VPS13A: variants seen among roughly 807,000 people sequenced by gnomAD.
VPS13A encodes the protein vacuolar protein sorting 13 homolog A, also known as intermembrane lipid transfer protein VPS13A.
VPS13A carries 264 observed loss-of-function variants against 390.9 expected under a neutral mutation model. That is an observed-to-expected ratio of 0.68 (90% CI 0.61 to 0.75). The LOEUF is 0.75. VPS13A is among the 30% of genes least tolerant of loss of function. VPS13A has a pLI of 0.00. For synonymous variants in VPS13A, 1,231 were observed against 1,227.1 expected (o/e 1.00, Z -0.07); for missense variants, 3,409 against 3,733.9 (o/e 0.91, Z 2.27).
intron 35 of VPS13A, among the ~76,000 whole-genome samples, 172 bp from the exon 36 acceptor site, chr9:77,313,820 G>A (rs1035577039): frequency 2.6e-5 from 4 of 152,248 alleles, no homozygotes; most frequent in South Asian, 2.1e-4. Flanking sequence ...TATGGAAAGA[G>A]TCCTAAGCCA....
At chr9:77,211,129 A>G (rs568226370) in intron 7 of VPS13A, 4 of 160,854 alleles carry the variant, frequency 2.5e-5, no homozygotes, top group Non-Finnish European at 5.4e-5. Context: ...TTTGAAACAT[A>G]TGCTTGCCTC....
chr9:77,332,142 C>G (rs772195656), intron 46 of VPS13A, 29 bp downstream of exon 46: 40 of 1,535,762 alleles, frequency 2.6e-5, no homozygotes, highest in Non-Finnish European at 3.6e-5. Flanking sequence ...TTTATTTACT[C>G]TAAAATCTCT....
At chr9:77,301,082 AGT>A (rs1828321616) in intron 33 of VPS13A, among the ~76,000 whole-genome samples, 1 of 152,234 alleles carries the variant, frequency 6.6e-6, no homozygotes, top group African/African-American at 2.4e-5. Context: ...TATATTGGGT[AGT>A]ACTGATAAGA....
rs143022525 is a variant in VPS13A, at chr9:77,315,379, T to C, written c.4539T>C (p.Phe1513=). 8.7e-6 allele frequency: 14 copies of C among 1,614,000 alleles called. No individual in the cohort carries two copies. The highest frequency in any genetic ancestry group is 3.3e-4 in the Middle Eastern group (2 of 6,060). ...TGTATATTTGTGCAAGCGTAGAATT[T>C]CTGCAGACTGTTGCAAATGTCTTTC... is the stretch of plus-strand genomic sequence containing the variant. The part of the protein sequence containing the change: ...QEMYICASVE[F]LQTVANVFLE... Residue 1513 remains phenylalanine (F), a synonymous_variant, in exon 38 of 72, where the codon TTT becomes TTC. Transcript: ENST00000360280.
chr9:77,250,376 T>C, intron 21 of VPS13A, 147 bp downstream of exon 21: 1 of 1,030,962 alleles, frequency 9.7e-7, no homozygotes, highest in Non-Finnish European at 1.4e-6. Flanking sequence ...TAGCTGTTCT[T>C]ACCAGGAGCA....
chr9:77,299,428 A>T (rs766835452), intron 33 of VPS13A, among the ~76,000 whole-genome samples: 13 of 152,178 alleles, frequency 8.5e-5, no homozygotes, highest in Non-Finnish European at 1.9e-4. Context: ...GAAACAACAG[A>T]TGCTGGAGAG....
At chr9:77,200,101 T>C (rs909190503) in intron 2 of VPS13A, 113 bp downstream of exon 2, 2 of 1,048,746 alleles carry the variant, frequency 1.9e-6, no homozygotes, top group East Asian at 5.3e-5. Context: ...TTTTTGTAAA[T>C]AATTTTTGCA....
At chr9:77,210,538 A>G in intron 6 of VPS13A, 78 bp from the exon 7 acceptor site, 3 of 1,429,084 alleles carry the variant, frequency 2.1e-6, no homozygotes, top group Non-Finnish European at 2.9e-6. Context: ...GCCGCTGCAC[A>G]TTGACAGTTT....
intron 70 of VPS13A, 112 bp from the exon 71 acceptor site, chr9:77,407,405 TTTTTTAAGGTGCATGA>T: frequency 1.4e-6 from 1 of 696,092 alleles, no homozygotes; most frequent in Non-Finnish European, 2.5e-6. Context: ...CATTCTTGTC[TTTTTTAAGGTGCATGA>T]TTTGTATAAG....
chr9:77,400,081 GA>G (rs1239762698), intron 68 of VPS13A, among the ~76,000 whole-genome samples: 1 of 152,034 alleles, frequency 6.6e-6, no homozygotes, highest in Non-Finnish European at 1.5e-5. Context: ...TTGCTGTGAA[GA>G]TTCTTATATG....
intron 7 of VPS13A, 60 bp downstream of exon 7, chr9:77,210,735 G>C (rs1027682562): frequency 5.7e-5 from 87 of 1,520,286 alleles, no homozygotes; most frequent in Non-Finnish European, 7.3e-5. Flanking sequence ...CTATTAAACT[G>C]CTACTATTTG....
intron 52 of VPS13A, among the ~76,000 whole-genome samples, chr9:77,348,231 C>T (rs1831262453): frequency 1.3e-5 from 2 of 152,122 alleles, no homozygotes; most frequent in Admixed American, 1.3e-4. Flanking sequence ...CCCAAATGCC[C>T]ATCAACGATA....
chr9:77,196,294 A>C (rs1824996607), intron 1 of VPS13A, among the ~76,000 whole-genome samples: 1 of 152,224 alleles, frequency 6.6e-6, no homozygotes, highest in Non-Finnish European at 1.5e-5. Flanking sequence ...TATTTAGAAT[A>C]TCCATCACCT....
Position 77,273,281 on chromosome 9 carries a change from T to C in VPS13A, c.2429T>C (p.Ile810Thr), listed in dbSNP as rs1432845614. The C allele has an allele frequency of 6.2e-7, 1 of 1,609,038 alleles. No homozygotes were observed. Among genetic ancestry groups the C allele is most frequent in the South Asian group, 1.1e-5 (1 of 90,330 alleles). ...AACATTGAATTACTTTTCTTTCAGA[T>C]TCAAACATCTACTTCTTTGGGAACA... ...EVSAPVKSFQ[I>T]QTSTSLGTSQ... The change falls in exon 24 of 72, where the codon ATT (isoleucine) becomes ACT (threonine). Residue 810 changes from isoleucine (I) to threonine (T), a missense_variant and splice_region_variant. This residue lies in a region of VPS13A where 2,717 missense variants were observed against 2,917.4 expected (regional missense o/e 0.93). Coordinates refer to ENST00000360280, the MANE Select transcript of VPS13A (RefSeq NM_033305.3).
At chr9:77,272,436 G>A (rs1826404392) in intron 23 of VPS13A, among the ~76,000 whole-genome samples, 1 of 152,294 alleles carries the variant, frequency 6.6e-6, no homozygotes, top group South Asian at 2.1e-4. Context: ...AAATCTATAA[G>A]CAACACAGAT....
At chr9:77,183,669 T>A (rs2131050980) in intron 1 of VPS13A, among the ~76,000 whole-genome samples, 1 of 152,368 alleles carries the variant, frequency 6.6e-6, no homozygotes, top group East Asian at 1.9e-4. Flanking sequence ...GAAAACAGTT[T>A]GGCAATTTCT....
chr9:77,367,378 T>C (rs1832490409), intron 61 of VPS13A, among the ~76,000 whole-genome samples: 1 of 152,218 alleles, frequency 6.6e-6, no homozygotes, highest in Non-Finnish European at 1.5e-5. Flanking sequence ...GTTGAGACTT[T>C]AGAAGAGAAT....
At chr9:77,210,184 T>TC (rs1825893406) in intron 6 of VPS13A, among the ~76,000 whole-genome samples, 2 of 112,188 alleles carry the variant, frequency 1.8e-5, no homozygotes, top group East Asian at 3.2e-4. Context: ...TCTCTCTCTC[T>TC]TTCTCTTTCT....
At chr9:77,202,330 A>AT (rs1395533509) in intron 3 of VPS13A, among the ~76,000 whole-genome samples, 3 of 151,920 alleles carry the variant, frequency 2.0e-5, no homozygotes, top group Non-Finnish European at 4.4e-5. Flanking sequence ...TAACATTTTA[A>AT]TTTTTTCATA....
Sources: gnomAD v4.1 joint callset for allele counts (sites outside exome capture counted in the v4.1 genomes callset) on GRCh38, gnomAD v4.1.1 for gene constraint, gnomAD v4.1.1 regional missense constraint, MANE v1.5 for transcripts, NCBI Gene and HGNC (gene_info 2026-07-23, HGNC 2026-07-21) for gene names.